The following INO80 variants were observed in gnomAD, a reference collection of about 807,000 sequenced individuals.
The protein encoded by INO80 is chromatin-remodeling ATPase INO80.
A neutral mutation model predicts 203.4 loss-of-function variants in INO80; 20 were observed. The ratio of observed to expected loss-of-function variants is 0.10; its 90% confidence interval spans 0.07 to 0.14. The LOEUF (loss-of-function observed/expected upper bound fraction) is 0.14, where lower values mean the gene tolerates loss of function less well. Among genes scored for constraint, INO80 ranks in the 10% least tolerant of loss-of-function variants. The pLI, the probability that INO80 is intolerant of heterozygous loss-of-function variation, is 1.00. For missense variants in INO80, 1,419 were observed against 1,914.4 expected, an observed-to-expected ratio of 0.74 and a Z score of 4.83; for synonymous variants, 726 against 685.2, an observed-to-expected ratio of 1.06 and a Z score of -0.93.
chr15:41,095,862 T>C lies in INO80; in HGVS notation c.210A>G (p.Ile70Met). 1.2e-6 allele frequency: 2 copies of C among 1,613,032 alleles called. No individual in the cohort carries two copies. Among genetic ancestry groups the C allele is most frequent in the Non-Finnish European group, 1.7e-6 (2 of 1,179,002 alleles). The change falls in exon 3 of 36, where the codon ATA (isoleucine) becomes ATG (methionine). Residue 70 changes from isoleucine to methionine, a missense_variant. Physicochemically the swap from Ile to Met is conservative, Grantham distance 10. Transcript: ENST00000648947. ...AATTTGGAGGTTCTTCCTTAACTTG[T>C]ATTAAGGGATCCCCAGACTGGGGCA... The part of the protein sequence containing the change: ...PLLPQSGDPL[I>M]QVKEEPPNSL...
chr15:41,095,297 T>C, intron 4 of INO80, among the ~76,000 whole-genome samples: 1 of 152,192 alleles, frequency 6.6e-6, no homozygotes, highest in Non-Finnish European at 1.5e-5. Context: ...GCTGAGATCA[T>C]GCCATTGCAC....
At chr15:41,072,626 G>C (rs1312236206) in intron 11 of INO80, among the ~76,000 whole-genome samples, 1 of 115,124 alleles carries the variant, frequency 8.7e-6, no homozygotes, top group East Asian at 2.4e-4. Context: ...GGGTGACAAA[G>C]CAAGACTCCC....
intron 27 of INO80, among the ~76,000 whole-genome samples, chr15:41,012,561 T>TTAAAAAAAAAAAAA (rs552096950): frequency 5.5e-5 from 5 of 90,808 alleles, no homozygotes; most frequent in African/African-American, 2.1e-4. Context: ...AGACTCTTTT[T>TTAAAAAAAAAAAAA]AAAAAAAAAA....
intron 6 of INO80, among the ~76,000 whole-genome samples, chr15:41,087,180 CT>C (rs2045575699): frequency 1.3e-5 from 2 of 150,834 alleles, no homozygotes; most frequent in African/African-American, 4.9e-5. Context: ...TATGTACAAA[CT>C]TTTTTTGGTC....
At chr15:41,039,512 C>G (rs187680013) in intron 24 of INO80, among the ~76,000 whole-genome samples, 1 of 152,176 alleles carries the variant, frequency 6.6e-6, no homozygotes, top group Admixed American at 6.5e-5. Flanking sequence ...ACTTTGCCTA[C>G]TGTGGTATGC....
At chr15:41,011,201 T>C (rs140392674) in intron 27 of INO80, among the ~76,000 whole-genome samples, 136 of 152,368 alleles carry the variant, frequency 8.9e-4, no homozygotes, top group African/African-American at 3.0e-3. Context: ...TCCCTGATGG[T>C]TGAAATTCTA....
chr15:41,040,457 A>G (rs2044649186), intron 24 of INO80, among the ~76,000 whole-genome samples: 1 of 152,246 alleles, frequency 6.6e-6, no homozygotes, highest in Admixed American at 6.5e-5. Context: ...GTGATGCTAC[A>G]GTCCAGTAAG....
Position 41,092,157 on chromosome 15 carries a change from C to T in INO80, c.407G>A (p.Ser136Asn). 6.2e-7 allele frequency: 1 copy of T among 1,607,360 alleles called. No individual in the cohort carries two copies. Among genetic ancestry groups the T allele is most frequent in the East Asian group, 2.2e-5 (1 of 44,722 alleles). ...LKSILLSDES[S>N]EADSQSEDDD... ...GTCTTCACTCTGAGAATCAGCCTCG[C>T]TGGATTCATCACTTAGCAGAATGCT... is the stretch of plus-strand genomic sequence containing the variant. The change falls in exon 5 of 36, where the codon AGC becomes AAC. Residue 136 changes from serine (S) to asparagine (N), a missense_variant. Coordinates refer to ENST00000648947, the MANE Select transcript of INO80 (RefSeq NM_017553.3).
chr15:41,088,769 G>T (rs1177857344), intron 5 of INO80, among the ~76,000 whole-genome samples: 1 of 152,078 alleles, frequency 6.6e-6, no homozygotes, highest in Admixed American at 6.6e-5. Context: ...GATTAACATG[G>T]GGAACTATTA....
At chr15:41,031,793 T>C (rs952530685) in intron 24 of INO80, among the ~76,000 whole-genome samples, 1 of 152,022 alleles carries the variant, frequency 6.6e-6, no homozygotes, top group African/African-American at 2.4e-5. Flanking sequence ...CCGCCAGGAC[T>C]ATAATATGCA....
intron 1 of INO80, among the ~76,000 whole-genome samples, chr15:41,105,645 AAGG>A (rs1323257858): frequency 6.6e-6 from 1 of 152,188 alleles, no homozygotes; most frequent in Non-Finnish European, 1.5e-5. Flanking sequence ...GGAGTACTTC[AAGG>A]AGAATTTTAA....
At chr15:40,985,002 A>G (rs1893967375) in intron 32 of INO80, among the ~76,000 whole-genome samples, 1 of 152,120 alleles carries the variant, frequency 6.6e-6, no homozygotes, top group African/African-American at 2.4e-5. Context: ...GGATCTCATG[A>G]CCTCTTAGGC....
rs2045598428 is a variant in INO80 at position 41,089,023 on chromosome 15, T to C, written c.538-1341A>G. Among the ~76,000 whole-genome samples the C allele has an allele frequency of 2.6e-5, 4 of 151,758 alleles. No individual in the cohort carries two copies. In the South Asian group the frequency reaches 8.3e-4, roughly 32 times the overall value. On this transcript the variant is annotated intron_variant, in intron 5 of 35. Transcript: ENST00000648947. ...GGCCAACATGATGAAACCACATCTC[T>C]ACTAAAAATAAAAAAAATTAGCCAG...
chr15:41,048,392 A>G lies in INO80; in HGVS notation c.2577-116T>C. The G allele has an allele frequency of 4.0e-6, 3 of 744,220 alleles. No homozygotes were observed. The South Asian group carries it at 5.7e-5, about 14-fold the overall frequency. 46.1% of individuals were successfully genotyped at this position (744,220 alleles called of 1,614,324 possible). On this transcript the variant is annotated intron_variant, in intron 21 of 35. Transcript: ENST00000648947. ...TTAGTTTTGAAACTGTTTCACTTTT[A>G]AGAAGTTTCTTGCCATATTACCAGG...
At position 41,087,633 on chromosome 15, in the gene INO80, G is replaced by C; in HGVS notation, c.587C>G (p.Pro196Arg). Reference sequence around the variant, plus strand: ...TAGGTGCCGTTGTTGCTCATAGAAAGGGTCATATGTGGAGAGCAGGCCTGC... The same window carrying C: ...TAGGTGCCGTTGTTGCTCATAGAAACGGTCATATGTGGAGAGCAGGCCTGC... ...YSAGLLSTYD[P>R]FYEQQRHLLG... The change falls in exon 6 of 36, where the codon CCT becomes CGT. Residue 196 changes from proline to arginine, a missense_variant. Transcript: ENST00000648947. 6.2e-7 allele frequency: 1 copy of C among 1,613,832 alleles called. No individual in the cohort carries two copies. The highest frequency in any genetic ancestry group is 1.1e-5 in the South Asian group (1 of 91,058).
intron 9 of INO80, among the ~76,000 whole-genome samples, chr15:41,078,195 G>A (rs1197306312): frequency 1.3e-5 from 2 of 152,092 alleles, no homozygotes; most frequent in Admixed American, 1.3e-4. Context: ...ACCGCGCCCG[G>A]CCAAGAATAA....
In INO80 at chr15:41,079,697, C is replaced by G; in HGVS notation, c.1131+4G>C. On this transcript the variant is annotated splice_donor_region_variant and intron_variant, in intron 9 of 35. Coordinates refer to ENST00000648947, the MANE Select transcript of INO80 (RefSeq NM_017553.3). ...GTTTTCAAAATGTTATGCTTTTGCCCTACCTCCCGCATTTCCTCATCCAAC... is the reference window on the plus strand; with the variant it reads ...GTTTTCAAAATGTTATGCTTTTGCCGTACCTCCCGCATTTCCTCATCCAAC... 2 of 1,613,884 alleles carry G rather than the reference C, an allele frequency of 1.2e-6. No individual in the cohort carries two copies. Among genetic ancestry groups the G allele is most frequent in the Non-Finnish European group, 1.7e-6 (2 of 1,179,806 alleles).
chr15:41,071,951 A>G lies in INO80; in HGVS notation c.1503T>C (p.Ser501=). Residue 501 remains serine (S), a synonymous_variant, in exon 12 of 36, where the codon TCT becomes TCC. Coordinates refer to ENST00000648947, the MANE Select transcript of INO80 (RefSeq NM_017553.3). ...GTGGAATATCCTCACCAGCCCGGAT[A>G]GATGGGTTAGCCAGGCTATAACTCT... ...FGESYSLANP[S]IRAGEDIPQP... is the part of the protein sequence containing the mutation. 6.2e-7 allele frequency: 1 copy of G among 1,614,080 alleles called. No individual in the cohort carries two copies. Among genetic ancestry groups the G allele is most frequent in the Middle Eastern group, 1.7e-4 (1 of 6,052 alleles).
intron 24 of INO80, among the ~76,000 whole-genome samples, chr15:41,036,857 C>CGGTT (rs2044584184): frequency 6.6e-6 from 1 of 151,948 alleles, no homozygotes; most frequent in Non-Finnish European, 1.5e-5. Flanking sequence ...CGAGGCAGGC[C>CGGTT]AGTTACTTGA....
Sources: gnomAD v4.1 joint callset for allele counts (sites outside exome capture counted in the v4.1 genomes callset) on GRCh38, gnomAD v4.1.1 for gene constraint, MANE v1.5 for transcripts, NCBI Gene and HGNC (gene_info 2026-07-23, HGNC 2026-07-21) for gene names.